TENM2: variants seen among roughly 807,000 people sequenced by gnomAD.
TENM2 encodes the protein teneurin-2.
Under a neutral mutation model 245.2 loss-of-function variants are expected in TENM2, and 52 were observed. That is an observed-to-expected ratio of 0.21 (90% CI 0.17 to 0.27). The LOEUF (loss-of-function observed/expected upper bound fraction) is 0.27, where lower values mean the gene tolerates loss of function less well. Ranked by LOEUF, TENM2 falls within the 10% of genes least tolerant of loss-of-function variation. The pLI, the probability that TENM2 is intolerant of heterozygous loss-of-function variation, is 1.00. For missense variants in TENM2, 3,046 were observed against 3,666.8 expected (o/e 0.83, Z 4.37); for synonymous variants, 1,363 against 1,438.9 (o/e 0.95, Z 1.19).
At chr5:167,505,780 T>A (rs1769501060) in intron 2 of TENM2, among the ~76,000 whole-genome samples, 1 of 152,180 alleles carries the variant, frequency 6.6e-6, no homozygotes, top group Non-Finnish European at 1.5e-5. Flanking sequence ...GTTGTATAAT[T>A]ACTAGTGTGA....
intron 2 of TENM2, among the ~76,000 whole-genome samples, chr5:167,576,092 A>G (rs765491523): frequency 3.4e-4 from 52 of 152,330 alleles, no homozygotes; most frequent in African/African-American, 6.7e-4. Context: ...AGGTGAGGCA[A>G]TGATAAATTT....
At chr5:167,396,445 C>G (rs957670046) in intron 2 of TENM2, among the ~76,000 whole-genome samples, 1 of 151,898 alleles carries the variant, frequency 6.6e-6, no homozygotes, top group Admixed American at 6.6e-5. Context: ...TGAAATTTGC[C>G]AGGGGTTGAA....
intron 2 of TENM2, among the ~76,000 whole-genome samples, chr5:167,831,092 G>A (rs1464633997): frequency 2.0e-5 from 3 of 152,042 alleles, no homozygotes; most frequent in African/African-American, 4.8e-5. Context: ...TTCTTCTGCA[G>A]GCTGTCTTCC....
At chr5:167,209,408 C>T in the TENM2 span, among the ~76,000 whole-genome samples, 9 of 151,764 alleles carry the variant, frequency 5.9e-5, no homozygotes, top group African/African-American at 1.5e-4. Flanking sequence ...GGATTACAGG[C>T]GCCTGCCACC....
the TENM2 span, among the ~76,000 whole-genome samples, chr5:167,138,583 G>A: frequency 3.3e-5 from 5 of 152,090 alleles, no homozygotes; most frequent in Non-Finnish European, 5.9e-5. Flanking sequence ...TGGGTATAAT[G>A]ATGACAATTG....
At chr5:167,470,678 A>G (rs1163156294) in intron 2 of TENM2, among the ~76,000 whole-genome samples, 2 of 151,818 alleles carry the variant, frequency 1.3e-5, no homozygotes, top group South Asian at 2.1e-4. Flanking sequence ...CCTCTACTCA[A>G]TGATCTGAAA....
At chr5:167,130,906 TTTTTTTAAA>T in the TENM2 span, among the ~76,000 whole-genome samples, 1 of 148,746 alleles carries the variant, frequency 6.7e-6, no homozygotes, top group African/African-American at 2.5e-5. Context: ...TTTTTTTTTT[TTTTTTTAAA>T]AAAAAAAAAG....
chr5:167,121,822 G>C, the TENM2 span, among the ~76,000 whole-genome samples: 1 of 152,170 alleles, frequency 6.6e-6, no homozygotes, highest in Non-Finnish European at 1.5e-5. Flanking sequence ...TAGAAACCTG[G>C]AATAAGTGTG....
chr5:168,037,256 G>T (rs574601329), intron 5 of TENM2, among the ~76,000 whole-genome samples: 1 of 152,108 alleles, frequency 6.6e-6, no homozygotes, highest in Non-Finnish European at 1.5e-5. Context: ...CTCCCCATGT[G>T]CCTAATTTGG....
chr5:167,906,185 T>A (rs530151130), intron 3 of TENM2, among the ~76,000 whole-genome samples: 151 of 151,940 alleles, frequency 9.9e-4, no homozygotes, highest in Middle Eastern at 3.4e-3. Context: ...GAGGTTATTT[T>A]AAAAAAAATA....
At chr5:168,195,235 T>G (rs1393260771) in exon 15 of TENM2, 1 of 1,607,992 alleles carries the variant, frequency 6.2e-7, no homozygotes, top group African/African-American at 1.3e-5. Context: ...CTGGTCGGTG[T>G]GAACGTGTCT....
chr5:167,883,582 G>T (rs191926653), intron 3 of TENM2, among the ~76,000 whole-genome samples: 1 of 152,214 alleles, frequency 6.6e-6, no homozygotes, highest in East Asian at 1.9e-4. Context: ...AAATAATCTT[G>T]ATATTGACAA....
intron 6 of TENM2, 70 bp from the exon 9 acceptor site, chr5:168,061,990 T>C (rs1373010887): frequency 1.5e-6 from 2 of 1,373,008 alleles, no homozygotes; most frequent in African/African-American, 3.0e-5. Context: ...TGGCATGTAA[T>C]TAAACAAATA....
chr5:167,125,108 CTG>C, the TENM2 span, among the ~76,000 whole-genome samples: 1 of 152,150 alleles, frequency 6.6e-6, no homozygotes, highest in Non-Finnish European at 1.5e-5. Flanking sequence ...GTCCAGCAAA[CTG>C]TGTTTAAACA....
At chr5:167,572,861 G>A (rs541339839) in intron 2 of TENM2, among the ~76,000 whole-genome samples, 3 of 152,324 alleles carry the variant, frequency 2.0e-5, no homozygotes, top group Non-Finnish European at 1.5e-5. Flanking sequence ...TAGGACTCAC[G>A]AAAGCAATCC....
intron 25 of TENM2, among the ~76,000 whole-genome samples, chr5:168,228,474 G>T (rs1764458729): frequency 1.5e-5 from 2 of 137,644 alleles, no homozygotes; most frequent in Admixed American, 1.5e-4. Flanking sequence ...TTTCACACTT[G>T]CTGTCTTCTT....
intron 2 of TENM2, among the ~76,000 whole-genome samples, chr5:167,430,177 A>AT (rs1307598965): frequency 7.9e-5 from 12 of 152,130 alleles, no homozygotes; most frequent in Admixed American, 6.5e-5. Context: ...GAATAATGTG[A>AT]TATACTCTAC....
the TENM2 span, among the ~76,000 whole-genome samples, chr5:167,041,461 T>G: frequency 6.6e-6 from 1 of 152,198 alleles, no homozygotes; most frequent in Non-Finnish European, 1.5e-5. Flanking sequence ...CCCTTGACTA[T>G]GAGCACCATT....
At chr5:168,101,065 C>T (rs972934172) in intron 9 of TENM2, among the ~76,000 whole-genome samples, 1 of 152,094 alleles carries the variant, frequency 6.6e-6, no homozygotes, top group African/African-American at 2.4e-5. Flanking sequence ...GCAAAGTGAA[C>T]TGTGGAGACT....
Sources: allele counts gnomAD v4.1 joint callset (sites outside exome capture counted in the v4.1 genomes callset), GRCh38; gene constraint gnomAD v4.1.1; transcripts MANE v1.5; gene names NCBI Gene and HGNC (gene_info 2026-07-23, HGNC 2026-07-21).